The following BDNF variants were observed in gnomAD, a reference collection of about 807,000 sequenced individuals.
BDNF encodes neurotrophic factor BDNF precursor form.
In BDNF, 1 loss-of-function variant was observed where a neutral mutation model predicts 19.5. The ratio of observed to expected loss-of-function variants is 0.05; its 90% CI spans 0.02 to 0.24. The LOEUF (loss-of-function observed/expected upper bound fraction) is 0.24, where lower values mean the gene tolerates loss of function less well. Among genes scored for constraint, BDNF ranks in the 10% least tolerant of loss-of-function variants. BDNF has a pLI of 1.00. For missense variants in BDNF, 195 were observed against 317.6 expected (o/e 0.61, Z 2.93); for synonymous variants, 100 against 121.6 (o/e 0.82, Z 1.17).
At chr11:27,698,563 A>G (rs1195222847) in intron 1 of BDNF, among the ~76,000 whole-genome samples, 3 of 152,216 alleles carry the variant, frequency 2.0e-5, no homozygotes, top group Non-Finnish European at 4.4e-5. Flanking sequence ...TTGACCTTAC[A>G]ACAAACTCAT....
At chr11:27,680,846 A>G (rs889101146) in intron 1 of BDNF, among the ~76,000 whole-genome samples, 17 of 152,180 alleles carry the variant, frequency 1.1e-4, no homozygotes, top group Admixed American at 1.1e-3. Flanking sequence ...GTAATCAATT[A>G]TCTTCCTTCT....
intron 1 of BDNF, among the ~76,000 whole-genome samples, chr11:27,697,164 C>CACAGAGAGAGAG (rs1182832997): frequency 7.5e-6 from 1 of 133,086 alleles, no homozygotes; most frequent in South Asian, 3.0e-4. Flanking sequence ...CACACACACA[C>CACAGAGAGAGAG]AGAGAGAGAG....
chr11:27,716,435 G>A (rs61888802), intron 1 of BDNF, among the ~76,000 whole-genome samples: 2 of 114,132 alleles, frequency 1.8e-5, no homozygotes, highest in African/African-American at 3.1e-5. Context: ...AGACACACAC[G>A]CCCATACACA....
In BDNF at chr11:27,657,956, A is replaced by G. The variant is rs746089117; in HGVS notation, c.609T>C (p.His203=). ...KEGCRGIDKR[H]WNSQCRTTQS... is the part of the protein sequence containing the mutation. ...GGGTAGTTCGGCACTGGGAGTTCCA[A>G]TGCCTTTTGTCTATGCCCCTGCAGC... The change falls in exon 2 of 2, where the codon CAT becomes CAC. Residue 203 remains histidine (H), a synonymous_variant. Transcript: ENST00000356660. The surrounding 1 kb of genome is among the most constrained non-coding windows in gnomAD (Gnocchi z 5.0). 19 of 1,614,002 alleles carry G rather than the reference A, an allele frequency of 1.2e-5. No homozygotes were observed. In the East Asian group the frequency reaches 3.1e-4, roughly 26 times the overall value.
chr11:27,707,924 T>G (rs1860175203), intron 1 of BDNF, among the ~76,000 whole-genome samples: 1 of 152,172 alleles, frequency 6.6e-6, no homozygotes, highest in Non-Finnish European at 1.5e-5. Context: ...ACGCCATGAT[T>G]CAGACTAAAT....
intron 1 of BDNF, chr11:27,720,254 C>G: frequency 1.1e-6 from 1 of 890,794 alleles, no homozygotes; most frequent in Non-Finnish European, 1.3e-6. Context: ...TCTCCCTCTA[C>G]CTCCTCCCCT....
intron 1 of BDNF, among the ~76,000 whole-genome samples, chr11:27,666,344 C>T (rs1348876418): frequency 6.6e-6 from 1 of 152,206 alleles, no homozygotes; most frequent in Non-Finnish European, 1.5e-5. Context: ...GCTGAAAATT[C>T]TAAAAATCAG....
chr11:27,696,433 C>A (rs1859002599), intron 1 of BDNF: 1 of 152,186 alleles, frequency 6.6e-6, no homozygotes. Context: ...GTTATTCATC[C>A]TAATAAAGAA....
chr11:27,719,080 A>G (rs1860642311), intron 1 of BDNF, among the ~76,000 whole-genome samples: 1 of 152,204 alleles, frequency 6.6e-6, no homozygotes, highest in Admixed American at 6.5e-5. Flanking sequence ...AGCTCCCTGA[A>G]GAGTGGCAAG....
Position 27,663,160 on chromosome 11 carries a change from A to C in BDNF, c.-21-4575T>G, listed in dbSNP as rs537209002. Reference sequence around the variant, plus strand: ...AGGAAATAATAAAAGATTAAGTAAGAGCTTCCAGGACAATTCTTCATTTTC... The same window carrying C: ...AGGAAATAATAAAAGATTAAGTAAGCGCTTCCAGGACAATTCTTCATTTTC... On this transcript the variant is annotated intron_variant, in intron 1 of 1. Transcript: ENST00000356660. Among the ~76,000 whole-genome samples, 6 of 152,380 alleles carry C rather than the reference A, an allele frequency of 3.9e-5. No homozygotes were observed. The East Asian group carries it at 1.2e-3, about 29-fold the overall frequency.
intron 1 of BDNF, 45 bp downstream of exon 1, chr11:27,700,119 G>A: frequency 2.0e-6 from 2 of 986,158 alleles, no homozygotes; most frequent in Non-Finnish European, 2.4e-6. Flanking sequence ...CTCTCCCGCG[G>A]ACGGGCAGCT....
At chr11:27,675,633 G>C (rs1175985116) in intron 1 of BDNF, 2 of 152,146 alleles carry the variant, frequency 1.3e-5, no homozygotes, top group Non-Finnish European at 2.9e-5. Context: ...TACGTGACTT[G>C]TGACCCATCC....
chr11:27,708,254 C>T (rs1860188728), intron 1 of BDNF, among the ~76,000 whole-genome samples: 1 of 152,194 alleles, frequency 6.6e-6, no homozygotes, highest in Admixed American at 6.5e-5. Context: ...ACTATTCCCA[C>T]ATAATATTCT....
At chr11:27,686,213 G>T (rs1857456003) in intron 1 of BDNF, among the ~76,000 whole-genome samples, 1 of 152,036 alleles carries the variant, frequency 6.6e-6, no homozygotes, top group African/African-American at 2.4e-5. Context: ...GACTAGGATT[G>T]CAACCCCTGC....
chr11:27,693,688 T>C (rs1858604813), intron 1 of BDNF, among the ~76,000 whole-genome samples: 1 of 152,196 alleles, frequency 6.6e-6, no homozygotes, highest in Non-Finnish European at 1.5e-5. Context: ...AGATTCTACA[T>C]GATGTAAAAG....
At chr11:27,699,250 T>A in intron 1 of BDNF, 21 of 1,028,822 alleles carry the variant, frequency 2.0e-5, no homozygotes, top group East Asian at 3.8e-5. Flanking sequence ...CACTGCATCC[T>A]CCAGTTCACC....
In BDNF at chr11:27,656,642, G is replaced by A. The variant is rs913000513; in HGVS notation, c.*1179C>T. ...CATGTCACTGGCAATGTGGATTCCTGTTCTGATCTAGGTGTTTCTGGGTTG... is the reference window on the plus strand; with the variant it reads ...CATGTCACTGGCAATGTGGATTCCTATTCTGATCTAGGTGTTTCTGGGTTG... On this transcript the variant is annotated 3_prime_UTR_variant, in exon 2 of 2. Coordinates refer to ENST00000356660, the MANE Select transcript of BDNF (RefSeq NM_001709.5). 7.1e-6 allele frequency: 7 copies of A among 985,554 alleles called. No individual in the cohort carries two copies. The African/African-American group carries it at 8.7e-5, about 12-fold the overall frequency. The allele number at this position is 985,554 out of a possible 1,614,324, so 61.1% of individuals were successfully genotyped here.
At chr11:27,706,937 C>T (rs1298590528) in intron 1 of BDNF, among the ~76,000 whole-genome samples, 2 of 152,198 alleles carry the variant, frequency 1.3e-5, no homozygotes, top group Admixed American at 6.5e-5. Flanking sequence ...ATTTAGCTTT[C>T]ACTGTTTTCC....
chr11:27,694,524 A>G (rs1160916023), intron 1 of BDNF, among the ~76,000 whole-genome samples: 1 of 151,500 alleles, frequency 6.6e-6, no homozygotes, highest in Non-Finnish European at 1.5e-5. Flanking sequence ...TGAACTAAAT[A>G]TAGATTTTTG....
Sources: allele counts gnomAD v4.1 joint callset (sites outside exome capture counted in the v4.1 genomes callset), GRCh38; gene constraint gnomAD v4.1.1; non-coding constraint Gnocchi (gnomAD v3.1); transcripts MANE v1.5; gene names NCBI Gene and HGNC (gene_info 2026-07-23, HGNC 2026-07-21).